Variants in CHODL observed in about 807,000 individuals in gnomAD.
CHODL encodes the protein transmembrane protein MT75.
A neutral mutation model predicts 34.5 loss-of-function variants in CHODL; 29 were observed. That is an observed-to-expected ratio of 0.84 (90% confidence interval 0.63 to 1.15). The LOEUF is 1.15. Ranked by LOEUF, CHODL falls within the 50% of genes most tolerant of loss-of-function variation. The pLI is 0.00. For synonymous variants in CHODL, 125 were observed against 116.1 expected, an observed-to-expected ratio of 1.08 and a Z score of -0.49; for missense variants, 332 against 332.5, an observed-to-expected ratio of 1.00 and a Z score of 0.01.
intron 2 of CHODL, among the ~76,000 whole-genome samples, chr21:18,110,070 G>A (rs1446371221): frequency 6.6e-5 from 10 of 152,170 alleles, no homozygotes; most frequent in African/African-American, 1.7e-4. Context: ...GATGGGCACC[G>A]GGGATGCTGT....
At chr21:18,153,058 A>G (rs2072990906) in intron 2 of CHODL, among the ~76,000 whole-genome samples, 2 of 152,248 alleles carry the variant, frequency 1.3e-5, no homozygotes, top group East Asian at 1.9e-4. Context: ...AATACACTCT[A>G]TATTAGTTTC....
At chr21:17,936,968 GGAGGCT>G (rs2063324324) in intron 1 of CHODL, among the ~76,000 whole-genome samples, 3 of 151,930 alleles carry the variant, frequency 2.0e-5, no homozygotes, top group Admixed American at 1.3e-4. Flanking sequence ...CAGCTACTCA[GGAGGCT>G]GAGGCAGGAG....
chr21:18,212,048 G>A (rs574514192), intron 2 of CHODL, among the ~76,000 whole-genome samples: 1 of 152,222 alleles, frequency 6.6e-6, no homozygotes, highest in African/African-American at 2.4e-5. Flanking sequence ...CAAAAATAAA[G>A]CAGTAATTAA....
At chr21:18,136,719 CATATATATATATATATAT>C (rs147280660) in intron 2 of CHODL, among the ~76,000 whole-genome samples, 4,049 of 118,764 alleles carry the variant, frequency 0.034, 203 homozygotes, top group African/African-American at 0.1. Context: ...TAAATCAAAG[CATATATATATATATATAT>C]ATATATATAT....
At chr21:18,083,897 T>A (rs2064972018) in intron 2 of CHODL, among the ~76,000 whole-genome samples, 1 of 152,200 alleles carries the variant, frequency 6.6e-6, no homozygotes, top group Non-Finnish European at 1.5e-5. Flanking sequence ...TTTAGGTTAA[T>A]GCTGGAATGA....
intron 2 of CHODL, among the ~76,000 whole-genome samples, chr21:18,102,888 A>G (rs1381727682): frequency 6.6e-6 from 1 of 152,204 alleles, no homozygotes; most frequent in Non-Finnish European, 1.5e-5. Context: ...AAAGTAACAC[A>G]TTAATTTCCT....
intron 2 of CHODL, among the ~76,000 whole-genome samples, chr21:18,199,522 A>G (rs2073627896): frequency 6.6e-6 from 1 of 152,074 alleles, no homozygotes; most frequent in Admixed American, 6.5e-5. Context: ...TTCACTCTGT[A>G]TTGTGTAGTG....
intron 2 of CHODL, among the ~76,000 whole-genome samples, chr21:18,064,159 A>G (rs2064703219): frequency 1.3e-5 from 2 of 152,156 alleles, no homozygotes; most frequent in African/African-American, 2.4e-5. Context: ...TGTCATATCC[A>G]TAAGTCATAC....
In CHODL at chr21:18,222,040, A is replaced by G. The variant is rs537289262; in HGVS notation, c.-44-34469A>G. ...ATCAGCACCAATGGGATGGGTGGCA[A>G]GGTGGACAGACTGCTCCTCAAGACC... On this transcript the variant is annotated intron_variant, in intron 2 of 6. Transcript: ENST00000400127. Among the ~76,000 whole-genome samples, 4 of 152,302 alleles carry G rather than the reference A, an allele frequency of 2.6e-5. No individual in the cohort carries two copies. The South Asian group carries it at 6.2e-4, about 24-fold the overall frequency.
intron 1 of CHODL, among the ~76,000 whole-genome samples, chr21:18,251,405 A>AAATG (rs1468096158): frequency 0.03 from 1,065 of 35,256 alleles, 128 homozygotes; most frequent in African/African-American, 0.12. Flanking sequence ...TATATAAAAT[A>AAATG]TGTATTTTAT....
chr21:18,208,067 A>G (rs1409992464), intron 2 of CHODL, among the ~76,000 whole-genome samples: 3 of 151,594 alleles, frequency 2.0e-5, no homozygotes, highest in East Asian at 1.9e-4. Flanking sequence ...CTGTTTCTCT[A>G]TCTCCTCTTT....
At chr21:18,135,452 C>T (rs2072710434) in intron 2 of CHODL, among the ~76,000 whole-genome samples, 1 of 152,070 alleles carries the variant, frequency 6.6e-6, no homozygotes, top group East Asian at 1.9e-4. Context: ...AATTGAGTAG[C>T]CTCAGCGTTC....
intron 2 of CHODL, among the ~76,000 whole-genome samples, chr21:18,048,038 G>C (rs983159396): frequency 6.6e-6 from 1 of 151,740 alleles, no homozygotes; most frequent in Non-Finnish European, 1.5e-5. Context: ...AGGACTTGTC[G>C]AGCACCTACT....
intron 2 of CHODL, among the ~76,000 whole-genome samples, chr21:18,228,761 T>C (rs2073953725): frequency 1.3e-5 from 2 of 152,308 alleles, no homozygotes; most frequent in African/African-American, 4.8e-5. Context: ...TTAGAATTAT[T>C]GTAAAACAGA....
chr21:18,247,583 C>T (rs771457222), intron 1 of CHODL, among the ~76,000 whole-genome samples: 1 of 151,894 alleles, frequency 6.6e-6, no homozygotes, highest in Non-Finnish European at 1.5e-5. Context: ...ACTTCGTCAT[C>T]GTAATCTGAC....
chr21:18,208,723 G>A lies in CHODL; in HGVS notation c.-44-47786G>A, dbSNP rs766086468. Among the ~76,000 whole-genome samples, 7 of 152,078 alleles carry A rather than the reference G, an allele frequency of 4.6e-5. No homozygotes were observed. The South Asian group carries it at 8.3e-4, about 18-fold the overall frequency. Reference sequence around the variant, plus strand: ...ATATCTGCATTAGGAGACACCCCAAGCCCAGTAATGACATGGCTCTTGCAG... The same window carrying A: ...ATATCTGCATTAGGAGACACCCCAAACCCAGTAATGACATGGCTCTTGCAG... On this transcript the variant is annotated intron_variant, in intron 2 of 6. Coordinates refer to the CHODL transcript ENST00000400127.
At chr21:18,073,154 T>C (rs1361931599) in intron 2 of CHODL, among the ~76,000 whole-genome samples, 7 of 152,156 alleles carry the variant, frequency 4.6e-5, no homozygotes, top group Admixed American at 2.0e-4. Context: ...GAAGTGTCTA[T>C]TATTAATACT....
intron 2 of CHODL, among the ~76,000 whole-genome samples, chr21:18,202,889 C>T (rs73893027): frequency 0.024 from 3,638 of 152,014 alleles, 144 homozygotes; most frequent in African/African-American, 0.081. Context: ...ATGCTGGCTA[C>T]GTCTACATCT....
intron 2 of CHODL, among the ~76,000 whole-genome samples, chr21:18,074,388 T>C (rs2064840535): frequency 6.6e-6 from 1 of 152,204 alleles, no homozygotes; most frequent in African/African-American, 2.4e-5. Context: ...AGACTGTTAT[T>C]ACTTGCTGGT....
Sources: gnomAD v4.1 joint callset for allele counts (sites outside exome capture counted in the v4.1 genomes callset) on GRCh38, gnomAD v4.1.1 for gene constraint, MANE v1.5 for transcripts, NCBI Gene and HGNC (gene_info 2026-07-23, HGNC 2026-07-21) for gene names.